Variants in SLC66A2 observed in about 807,000 individuals in gnomAD.
SLC66A2 encodes the protein PQ loop repeat containing 1.
Under a neutral mutation model 25.5 loss-of-function variants are expected in SLC66A2, and 23 were observed. That is an observed-to-expected ratio of 0.90 (90% CI 0.65 to 1.28). SLC66A2 has a LOEUF of 1.28. Ranked by LOEUF, SLC66A2 falls within the 50% of genes most tolerant of loss-of-function variation. SLC66A2 has a pLI of 0.00. For missense variants in SLC66A2, 396 were observed against 373.1 expected, an observed-to-expected ratio of 1.06 and a Z score of -0.51; for synonymous variants, 193 against 166.5, an observed-to-expected ratio of 1.16 and a Z score of -1.23.
Position 79,903,501 on chromosome 18 carries a change from A to C in SLC66A2, c.*475T>G. ...CCTCCCCCGTGCCAGACCCCTGGGT[A>C]GCAGAGGCCACCCCAGTCCAAGCAG... On this transcript the variant is annotated 3_prime_UTR_variant, in exon 6 of 6. Coordinates refer to ENST00000397778, the MANE Select transcript of SLC66A2 (RefSeq NM_025078.5). 1.2e-5 allele frequency: 2 copies of C among 163,326 alleles called. No individual in the cohort carries two copies. Among genetic ancestry groups the C allele is most frequent in the Non-Finnish European group, 2.6e-5 (2 of 76,028 alleles). The allele number at this position is 163,326 out of a possible 1,614,324, so 10.1% of individuals were successfully genotyped here.
At position 79,904,191 on chromosome 18, in the gene SLC66A2, GAC is replaced by G. The variant is rs1173712192; in HGVS notation, c.609-10_609-9del. 1.9e-6 allele frequency: 3 copies of G among 1,612,378 alleles called. No homozygotes were observed. Among genetic ancestry groups the G allele is most frequent in the Non-Finnish European group, 2.5e-6 (3 of 1,179,434 alleles). On this transcript the variant is annotated splice_polypyrimidine_tract_variant and intron_variant, in intron 5 of 5. Coordinates refer to ENST00000397778, the MANE Select transcript of SLC66A2 (RefSeq NM_025078.5). The surrounding 1 kb of genome is among the most constrained non-coding windows in gnomAD (Gnocchi z 6.3). ...ATGAGCACCATCTTGATGCTGTGGA[GAC>G]ACAAGCAGGCGGTCAGCGGTGGGGA...
At chr18:79,936,562 G>A (rs915862456) in intron 3 of SLC66A2, among the ~76,000 whole-genome samples, 2 of 152,214 alleles carry the variant, frequency 1.3e-5, no homozygotes, top group African/African-American at 4.8e-5. Flanking sequence ...CTGGAACTGA[G>A]TGTTGAGATT....
chr18:79,934,639 T>C (rs1401646047), intron 3 of SLC66A2, among the ~76,000 whole-genome samples: 1 of 152,184 alleles, frequency 6.6e-6, no homozygotes, highest in African/African-American at 2.4e-5. Flanking sequence ...CCTTCCTATC[T>C]GCGCAGCCCC....
intron 3 of SLC66A2, among the ~76,000 whole-genome samples, chr18:79,936,728 G>A (rs570106704): frequency 1.1e-4 from 16 of 152,284 alleles, no homozygotes; most frequent in African/African-American, 3.1e-4. Context: ...AAATGACCCC[G>A]TGTATCCAGT....
intron 5 of SLC66A2, among the ~76,000 whole-genome samples, chr18:79,911,579 C>T (rs1472640317): frequency 6.6e-6 from 1 of 152,244 alleles, no homozygotes; most frequent in East Asian, 1.9e-4. Context: ...CAGCTGCAGG[C>T]ACGGAGCCAT....
chr18:79,916,176 G>T lies in SLC66A2; in HGVS notation c.608+3008C>A, dbSNP rs1340465732. Among the ~76,000 whole-genome samples, 5 of 54,226 alleles carry T rather than the reference G, an allele frequency of 9.2e-5. 1 individual carries two copies. Among genetic ancestry groups the T allele is most frequent in the African/African-American group, 2.3e-4 (5 of 21,946 alleles). 35.6% of individuals were successfully genotyped at this position (54,226 alleles called of 152,430 possible). A position where few individuals can be genotyped will look rare whatever the true frequency, so the allele number is the denominator to read the frequency against. ...GCGCTCTCGTACCCGCAGTGCTCCC[G>T]TACCCTCCCATACCCACGGTGCTCC... On this transcript the variant is annotated intron_variant, in intron 5 of 5. Coordinates refer to ENST00000397778, the MANE Select transcript of SLC66A2 (RefSeq NM_025078.5).
intron 2 of SLC66A2, 172 bp from the exon 3 acceptor site, chr18:79,943,634 C>T (rs1369465526): frequency 1.3e-5 from 9 of 702,620 alleles, no homozygotes; most frequent in African/African-American, 1.8e-5. Context: ...CATCGCCTCT[C>T]CCAGTCCCGA....
intron 2 of SLC66A2, among the ~76,000 whole-genome samples, chr18:79,946,302 G>A (rs1488264416): frequency 6.6e-6 from 1 of 152,196 alleles, no homozygotes; most frequent in Non-Finnish European, 1.5e-5. Flanking sequence ...GGAACAAAAT[G>A]AAAACGAAAC....
At chr18:79,905,678 G>T (rs1449970240) in intron 5 of SLC66A2, among the ~76,000 whole-genome samples, 1 of 152,220 alleles carries the variant, frequency 6.6e-6, no homozygotes, top group Non-Finnish European at 1.5e-5. Context: ...AACAGAGCTC[G>T]CCTGACCCTC....
chr18:79,946,697 G>A (rs2050936460), intron 2 of SLC66A2, among the ~76,000 whole-genome samples: 1 of 152,252 alleles, frequency 6.6e-6, no homozygotes, highest in African/African-American at 2.4e-5. Context: ...GCTGGGCACA[G>A]TGGCTCACAC....
chr18:79,932,804 C>A (rs908970031), intron 4 of SLC66A2, among the ~76,000 whole-genome samples: 1 of 152,126 alleles, frequency 6.6e-6, no homozygotes, highest in Non-Finnish European at 1.5e-5. Context: ...AGATTGAATT[C>A]GTAATTTTAA....
intron 5 of SLC66A2, among the ~76,000 whole-genome samples, chr18:79,915,165 G>A (rs1180973295): frequency 6.6e-6 from 1 of 152,224 alleles, no homozygotes; most frequent in Admixed American, 6.5e-5. Context: ...GTGCGTTCTA[G>A]CAGCAAACGC....
At chr18:79,948,329 G>T (rs909360967) in intron 2 of SLC66A2, among the ~76,000 whole-genome samples, 1 of 152,172 alleles carries the variant, frequency 6.6e-6, no homozygotes, top group African/African-American at 2.4e-5. Context: ...TCTCCAAACC[G>T]ATACTTAGAT....
intron 3 of SLC66A2, among the ~76,000 whole-genome samples, chr18:79,939,601 T>C (rs1987459729): frequency 6.6e-6 from 1 of 152,050 alleles, no homozygotes; most frequent in Non-Finnish European, 1.5e-5. Context: ...AAAGAAGACA[T>C]ACATGCGGCC....
intron 4 of SLC66A2, among the ~76,000 whole-genome samples, chr18:79,922,833 G>C (rs1211686488): frequency 6.9e-6 from 1 of 144,438 alleles, no homozygotes; most frequent in African/African-American, 2.6e-5. Context: ...AGAGGGATTG[G>C]GGGGGTTGGG....
intron 4 of SLC66A2, among the ~76,000 whole-genome samples, chr18:79,929,047 G>A (rs2144851394): frequency 6.6e-6 from 1 of 152,322 alleles, no homozygotes; most frequent in East Asian, 1.9e-4. Flanking sequence ...TCCCTGCTTA[G>A]AGCAGGTACA....
At position 79,917,103 on chromosome 18, in the gene SLC66A2, C is replaced by G. The variant is rs938081683; in HGVS notation, c.608+2081G>C. On this transcript the variant is annotated intron_variant, in intron 5 of 5. Transcript: ENST00000397778. This position sits in a 1 kb window ranked among gnomAD's most constrained non-coding sequence, Gnocchi z 6.0. ...TGTGTTTCTTCCACACACAGACCCC[C>G]CTTCCACAGGCGTTTCTGGAGCCTT... is the stretch of plus-strand genomic sequence containing the variant. Among the ~76,000 whole-genome samples the G allele has an allele frequency of 5.3e-5, 8 of 152,264 alleles. No homozygotes were observed. Among genetic ancestry groups the G allele is most frequent in the Admixed American group, 1.3e-4 (2 of 15,294 alleles).
In SLC66A2 at chr18:79,911,439, C is replaced by T. The variant is rs868666828; in HGVS notation, c.609-7256G>A. ...CAGCCGGGACACAGCCCTGGTCAGACGGGGGCCGGCAGGACGTGCAGCTGA... is the reference window on the plus strand; with the variant it reads ...CAGCCGGGACACAGCCCTGGTCAGATGGGGGCCGGCAGGACGTGCAGCTGA... On this transcript the variant is annotated intron_variant, in intron 5 of 5. Coordinates refer to ENST00000397778, the MANE Select transcript of SLC66A2 (RefSeq NM_025078.5). 7.9e-4 allele frequency among the ~76,000 whole-genome samples: 120 copies of T among 152,254 alleles called. 1 individual carries two copies. The highest frequency in any genetic ancestry group is 2.8e-3 in the African/African-American group (115 of 41,462).
chr18:79,925,027 C>T (rs144792936), intron 4 of SLC66A2: 31 of 152,454 alleles, frequency 2.0e-4, no homozygotes, highest in African/African-American at 7.2e-4. Context: ...ACACGGGGGA[C>T]ACCTGGTGGG....
Sources: allele counts gnomAD v4.1 joint callset (sites outside exome capture counted in the v4.1 genomes callset), GRCh38; gene constraint gnomAD v4.1.1; non-coding constraint Gnocchi (gnomAD v3.1); transcripts MANE v1.5; gene names NCBI Gene and HGNC (gene_info 2026-07-23, HGNC 2026-07-21).